MACF1: variants seen among roughly 807,000 people sequenced by gnomAD.
MACF1 encodes the protein microtubule actin crosslinking factor 1.
A neutral mutation model predicts 854.8 loss-of-function variants in MACF1; 193 were observed. The ratio of observed to expected loss-of-function variants is 0.23; its 90% CI spans 0.20 to 0.25. The LOEUF is 0.25. Ranked by LOEUF, MACF1 falls within the 10% of genes least tolerant of loss-of-function variation. The pLI is 1.00. For synonymous variants in MACF1, 3,185 were observed against 3,226.7 expected, an observed-to-expected ratio of 0.99 and a Z score of 0.44; for missense variants, 7,722 against 8,929.1, an observed-to-expected ratio of 0.86 and a Z score of 5.45.
rs1300608829 is a variant in MACF1 at position 39,095,921 on chromosome 1, C to CT, written c.220+11483_220+11484insT. Among the ~76,000 whole-genome samples the CT allele has an allele frequency of 1.1e-3, 168 of 151,816 alleles. 1 individual carries two copies. Among genetic ancestry groups the CT allele is most frequent in the African/African-American group, 4.0e-3 (165 of 41,270 alleles). Reference sequence around the variant, plus strand: ...CAATGGCTCATGCCTGTAATCCCAACACTTTGGGAGGCCAAGGCAGGAGAA... The same window carrying CT: ...CAATGGCTCATGCCTGTAATCCCAACTACTTTGGGAGGCCAAGGCAGGAGAA... On this transcript the variant is annotated intron_variant, in intron 2 of 93. Transcript: ENST00000361689.
intron 1 of MACF1, among the ~76,000 whole-genome samples, chr1:39,211,432 TAA>T (rs935427838): frequency 6.6e-6 from 1 of 152,014 alleles, no homozygotes; most frequent in African/African-American, 2.4e-5. Flanking sequence ...TTTTTAAATT[TAA>T]AAAAAATTTC....
chr1:39,264,053 A>G (rs1168086869), intron 6 of MACF1, among the ~76,000 whole-genome samples: 1 of 152,136 alleles, frequency 6.6e-6, no homozygotes, highest in East Asian at 1.9e-4. Flanking sequence ...GATTACAGGC[A>G]TGAGCCACTG....
chr1:39,143,220 A>G (rs1643385070), intron 2 of MACF1, among the ~76,000 whole-genome samples: 1 of 152,160 alleles, frequency 6.6e-6, no homozygotes, highest in Non-Finnish European at 1.5e-5. Flanking sequence ...ACTTTTCATA[A>G]TCATTGTACC....
chr1:39,340,090 C>G (rs944156055), intron 38 of MACF1, among the ~76,000 whole-genome samples: 1 of 152,122 alleles, frequency 6.6e-6, no homozygotes, highest in Non-Finnish European at 1.5e-5. Context: ...GTCATCCGTT[C>G]GGTTTATTTT....
At chr1:39,225,587 A>C (rs1327497270) in intron 1 of MACF1, among the ~76,000 whole-genome samples, 1 of 152,184 alleles carries the variant, frequency 6.6e-6, no homozygotes, top group Non-Finnish European at 1.5e-5. Flanking sequence ...TAAAGTGTTA[A>C]ATCTGAAACT....
chr1:39,219,361 G>C (rs1279857216), intron 1 of MACF1, among the ~76,000 whole-genome samples: 1 of 152,184 alleles, frequency 6.6e-6, no homozygotes, highest in Non-Finnish European at 1.5e-5. Context: ...ACTTTGGGAA[G>C]ATTACTAACA....
intron 2 of MACF1, among the ~76,000 whole-genome samples, chr1:39,112,238 C>T (rs1018932368): frequency 6.6e-6 from 1 of 152,010 alleles, no homozygotes; most frequent in African/African-American, 2.4e-5. Context: ...AGATACATGC[C>T]ACCACGCCCA....
intron 97 of MACF1, among the ~76,000 whole-genome samples, chr1:39,476,464 A>G (rs1420913305): frequency 1.3e-5 from 2 of 152,010 alleles, no homozygotes; most frequent in Non-Finnish European, 2.9e-5. Flanking sequence ...CCAGCTACCC[A>G]GGAGGCTGAG....
rs1414737716 is a variant in MACF1, at chr1:39,458,488, G to A, written c.21194G>A (p.Gly7065Asp). 6.2e-7 allele frequency: 1 copy of A among 1,612,892 alleles called. No homozygotes were observed. Among genetic ancestry groups the A allele is most frequent in the South Asian group, 1.1e-5 (1 of 90,948 alleles). ...APFIEKSRSG[G>D]RKSLSQPTPP... is the part of the protein sequence containing the mutation. ...TTCATAGAGAAATCCCGCAGCGGAG[G>A]CAGTATGTTTCCAGCCCCCTGTGTT... Residue 7065 changes from glycine to aspartate, a missense_variant and splice_region_variant, in exon 90 of 101, where the codon GGC becomes GAC. Coordinates refer to ENST00000564288, the MANE Select transcript of MACF1 (RefSeq NM_001394062.1).
intron 58 of MACF1, among the ~76,000 whole-genome samples, chr1:39,390,325 CA>C (rs1203229469): frequency 6.6e-6 from 1 of 152,224 alleles, no homozygotes; most frequent in Non-Finnish European, 1.5e-5. Context: ...GTAATGTTGA[CA>C]CCAGCTCAGA....
rs1469257007 is a variant in MACF1 at position 39,303,032 on chromosome 1, T to C, written c.2743T>C (p.Phe915Leu). The change falls in exon 23 of 101, where the codon TTC becomes CTC. Residue 915 changes from phenylalanine to leucine, a missense_variant. Physicochemically the swap from Phe to Leu is conservative, Grantham distance 22. Around this residue, in one of 15 missense-constraint regions of MACF1, gnomAD observed 1,137 missense variants for 1,263.0 expected, o/e 0.90. Coordinates refer to ENST00000564288, the MANE Select transcript of MACF1 (RefSeq NM_001394062.1). ...CGAGGCAATGGTGCCGTCAGTCTGCTTCCTCATCCCCCCACCCAATAAGGA... is the reference window on the plus strand; with the variant it reads ...CGAGGCAATGGTGCCGTCAGTCTGCCTCCTCATCCCCCCACCCAATAAGGA... Reference protein sequence around the residue: ...GNEAMVPSVCFLIPPPNKDAI... With the variant: ...GNEAMVPSVCLLIPPPNKDAI... 6.2e-7 allele frequency: 1 copy of C among 1,614,216 alleles called. No individual in the cohort carries two copies. Among genetic ancestry groups the C allele is most frequent in the East Asian group, 2.2e-5 (1 of 44,886 alleles).
In MACF1 at chr1:39,357,596, T is replaced by C. The variant is rs539867752; in HGVS notation, c.11646T>C (p.Phe3882=). The change falls in exon 45 of 101, where the codon TTT becomes TTC. Residue 3882 remains phenylalanine (F), a synonymous_variant. Transcript: ENST00000564288. ...CACTTCAGGATGAGTTGCAGAAATT[T>C]CTGCAGGATCATAAAGAGTTTGAAA... ...VQTLQDELQK[F]LQDHKEFESW... is the part of the protein sequence containing the mutation. 106 of 1,614,104 alleles carry C rather than the reference T, an allele frequency of 6.6e-5. No homozygotes were observed. In the South Asian group the frequency reaches 1.0e-3, roughly 15 times the overall value.
chr1:39,336,977 A>G (rs1646822113), intron 37 of MACF1, among the ~76,000 whole-genome samples: 1 of 152,232 alleles, frequency 6.6e-6, no homozygotes, highest in Non-Finnish European at 1.5e-5. Flanking sequence ...GTAGATTGAT[A>G]GCTCTGAGCT....
At chr1:39,254,519 G>GC in intron 5 of MACF1, 144 bp downstream of exon 5, 1 of 681,844 alleles carries the variant, frequency 1.5e-6, no homozygotes, top group South Asian at 1.8e-5. Context: ...TTGCTAGTGA[G>GC]CAATTGTATT....
intron 38 of MACF1, 76 bp from the exon 39 acceptor site, chr1:39,340,426 G>A (rs1041105646): frequency 2.6e-5 from 27 of 1,032,416 alleles, no homozygotes; most frequent in Non-Finnish European, 3.7e-5. Context: ...TGGGGTGAGA[G>A]AGAAATGTGT....
chr1:39,422,552 T>A lies in MACF1; in HGVS notation c.15978+17T>A. The A allele has an allele frequency of 6.3e-7, 1 of 1,598,308 alleles. No homozygotes were observed. Among genetic ancestry groups the A allele is most frequent in the Non-Finnish European group, 8.5e-7 (1 of 1,169,764 alleles). Reference sequence around the variant, plus strand: ...AATAAAAAGGTGAGTGACAATGGGGTAGCAAGTGTACTGGAAACGGAAGGC... The same window carrying A: ...AATAAAAAGGTGAGTGACAATGGGGAAGCAAGTGTACTGGAAACGGAAGGC... On this transcript the variant is annotated intron_variant, in intron 59 of 100. Transcript: ENST00000564288.
chr1:39,470,057 G>C (rs1282559348), intron 97 of MACF1, among the ~76,000 whole-genome samples: 2 of 152,158 alleles, frequency 1.3e-5, no homozygotes. Flanking sequence ...TAGTCAGCAT[G>C]TTATATCTTT....
rs574405236 is a variant in MACF1 at position 39,416,377 on chromosome 1, G to GTGT, written c.15817-5997_15817-5996insTGT. The stretch of plus-strand genomic sequence containing the variant: ...CAGAATATTTCACACCAGGCACAGT[G>GTGT]GCTCACACCTCTAATCCCAACATTT... On this transcript the variant is annotated intron_variant, in intron 58 of 100. Coordinates refer to ENST00000564288, the MANE Select transcript of MACF1 (RefSeq NM_001394062.1). Among the ~76,000 whole-genome samples, 10 of 152,018 alleles carry GTGT rather than the reference G, an allele frequency of 6.6e-5. No individual in the cohort carries two copies. The South Asian group carries it at 2.1e-3, about 32-fold the overall frequency.
intron 2 of MACF1, among the ~76,000 whole-genome samples, chr1:39,170,611 CTA>C (rs1345110544): frequency 3.3e-5 from 5 of 152,144 alleles, no homozygotes. Context: ...AGTGAAACGA[CTA>C]TTATAGGAAA....
Sources: allele counts gnomAD v4.1 joint callset (sites outside exome capture counted in the v4.1 genomes callset), GRCh38; gene constraint gnomAD v4.1.1; regional missense constraint gnomAD v4.1.1; transcripts MANE v1.5; gene names NCBI Gene and HGNC (gene_info 2026-07-23, HGNC 2026-07-21).